RGS7: variants seen among roughly 807,000 people sequenced by gnomAD.
The protein encoded by RGS7 is regulator of G protein signaling 7.
A neutral mutation model predicts 81.1 loss-of-function variants in RGS7; 27 were observed. That is an observed-to-expected ratio of 0.33 (90% CI 0.25 to 0.46). The LOEUF (loss-of-function observed/expected upper bound fraction) is 0.46, where lower values mean the gene tolerates loss of function less well. Ranked by LOEUF, RGS7 falls within the 20% of genes least tolerant of loss-of-function variation. The probability of loss-of-function intolerance (pLI) is 1.00; values close to 1 mark genes in which losing one functional copy is unlikely to be tolerated. For synonymous variants in RGS7, 208 were observed against 207.7 expected (o/e 1.00, Z -0.01); for missense variants, 396 against 607.4 (o/e 0.65, Z 3.66).
chr1:241,183,548 A>G (rs1417349054), intron 2 of RGS7, among the ~76,000 whole-genome samples: 2 of 152,248 alleles, frequency 1.3e-5, no homozygotes, highest in African/African-American at 4.8e-5. Context: ...CAAGAAGTCT[A>G]TCTACATACA....
At chr1:240,784,663 T>TC (rs1468688087) in intron 18 of RGS7, among the ~76,000 whole-genome samples, 1 of 151,546 alleles carries the variant, frequency 6.6e-6, no homozygotes, top group Non-Finnish European at 1.5e-5. Context: ...AAAAGATTTT[T>TC]TTTTTTTTGA....
intron 2 of RGS7, among the ~76,000 whole-genome samples, chr1:241,192,162 G>A (rs12563118): frequency 0.094 from 6,118 of 64,920 alleles, 180 homozygotes; most frequent in East Asian, 0.46. Context: ...GAAAACAGGT[G>A]TGTGTGTGTG....
chr1:241,265,376 T>C lies in RGS7; in HGVS notation c.78+90323A>G, dbSNP rs187068939. On this transcript the variant is annotated intron_variant, in intron 2 of 18. Coordinates refer to ENST00000440928, the MANE Select transcript of RGS7 (RefSeq NM_001364886.1). ...ACACACGCAGTTGATTCTGAGTATA[T>C]AGAAAATAATAAGGTAAATGGCCTC... is the stretch of plus-strand genomic sequence containing the variant. Among the ~76,000 whole-genome samples, 5 of 152,220 alleles carry C rather than the reference T, an allele frequency of 3.3e-5. No individual in the cohort carries two copies. The South Asian group carries it at 6.2e-4, about 19-fold the overall frequency.
Position 241,221,057 on chromosome 1 carries a change from A to AAGAGAGAG in RGS7, c.79-122303_79-122296dup, listed in dbSNP as rs1169899552. The stretch of plus-strand genomic sequence containing the variant: ...AGGAAGGAAAAGAAAGAAAGAAAGA[A>AAGAGAGAG]AGAGAGAGAGAGAGAAAGGAAGGAA... On this transcript the variant is annotated intron_variant, in intron 2 of 18. Transcript: ENST00000440928. 1.6e-5 allele frequency among the ~76,000 whole-genome samples: 2 copies of AAGAGAGAG among 125,630 alleles called. 1 individual carries two copies. Among genetic ancestry groups the AAGAGAGAG allele is most frequent in the Non-Finnish European group, 3.5e-5 (2 of 56,508 alleles). 82.4% of individuals were successfully genotyped at this position (125,630 alleles called of 152,430 possible).
chr1:241,076,144 T>C (rs1181392981), intron 3 of RGS7, among the ~76,000 whole-genome samples: 1 of 152,134 alleles, frequency 6.6e-6, no homozygotes, highest in Non-Finnish European at 1.5e-5. Context: ...GAGTGAGCTG[T>C]ACCTGGCATG....
At chr1:240,909,355 C>T (rs1671351165) in intron 6 of RGS7, among the ~76,000 whole-genome samples, 1 of 152,118 alleles carries the variant, frequency 6.6e-6, no homozygotes. Flanking sequence ...GCGAGTTATC[C>T]ATACCCCATC....
intron 9 of RGS7, among the ~76,000 whole-genome samples, chr1:240,860,229 T>C (rs1445747074): frequency 1.3e-5 from 2 of 152,160 alleles, no homozygotes; most frequent in Admixed American, 1.3e-4. Flanking sequence ...GACGGTGAAC[T>C]TCAGTTAAAC....
chr1:240,970,630 T>C (rs1262602691), intron 4 of RGS7, among the ~76,000 whole-genome samples: 1 of 152,210 alleles, frequency 6.6e-6, no homozygotes, highest in Non-Finnish European at 1.5e-5. Context: ...TCACTTTCTG[T>C]ACACTAGAGC....
At chr1:240,956,119 A>G (rs947423148) in intron 4 of RGS7, among the ~76,000 whole-genome samples, 1 of 152,164 alleles carries the variant, frequency 6.6e-6, no homozygotes, top group African/African-American at 2.4e-5. Context: ...AGAACAGTGG[A>G]AACACTTGCA....
chr1:241,019,748 A>T (rs2059447981), intron 3 of RGS7, among the ~76,000 whole-genome samples: 1 of 152,164 alleles, frequency 6.6e-6, no homozygotes. Context: ...TTCTTTATCC[A>T]GTCTATTATT....
At chr1:241,310,310 G>A (rs376398792) in intron 2 of RGS7, among the ~76,000 whole-genome samples, 3 of 152,050 alleles carry the variant, frequency 2.0e-5, no homozygotes, top group African/African-American at 7.2e-5. Context: ...GTTCTGTTAC[G>A]TACATTTATC....
At chr1:240,914,188 T>C (rs932881443) in intron 6 of RGS7, among the ~76,000 whole-genome samples, 2 of 152,104 alleles carry the variant, frequency 1.3e-5, no homozygotes, top group African/African-American at 4.8e-5. Flanking sequence ...TCATCGATTA[T>C]GATAGCTTTG....
intron 3 of RGS7, among the ~76,000 whole-genome samples, chr1:241,091,436 T>C (rs1234930422): frequency 6.6e-6 from 1 of 151,814 alleles, no homozygotes; most frequent in Non-Finnish European, 1.5e-5. Flanking sequence ...TAGTCCCAGC[T>C]ACTCGGGAGG....
In RGS7 at chr1:241,259,667, A is replaced by AAAAAAAAAAAAAAAAAAT; in HGVS notation, c.78+96031_78+96032insATTTTTTTTTTTTTTTTT. ...CTCCGTCTCAAAAAAAAAAAAAAAAAATATATATATATATATATAATTAAA... is the reference window on the plus strand; with the variant it reads ...CTCCGTCTCAAAAAAAAAAAAAAAAAAAAAAAAAAAAAAAAAATATATATATATATATATATAATTAAA... On this transcript the variant is annotated intron_variant, in intron 2 of 18. Coordinates refer to ENST00000440928, the MANE Select transcript of RGS7 (RefSeq NM_001364886.1). Among the ~76,000 whole-genome samples the AAAAAAAAAAAAAAAAAAT allele has an allele frequency of 2.2e-3, 108 of 49,094 alleles. 3 individuals are homozygous for AAAAAAAAAAAAAAAAAAT. The highest frequency in any genetic ancestry group is 5.5e-3 in the East Asian group (9 of 1,642). 32.2% of individuals were successfully genotyped at this position (49,094 alleles called of 152,430 possible).
chr1:240,821,977 C>T (rs1280628550), intron 10 of RGS7, among the ~76,000 whole-genome samples: 1 of 152,160 alleles, frequency 6.6e-6, no homozygotes, highest in Non-Finnish European at 1.5e-5. Flanking sequence ...AAGGATACAG[C>T]CTGTGGTGGT....
chr1:241,184,874 T>C (rs1298662832), intron 2 of RGS7, among the ~76,000 whole-genome samples: 1 of 152,192 alleles, frequency 6.6e-6, no homozygotes, highest in Admixed American at 6.5e-5. Flanking sequence ...TTTGAAGAGC[T>C]ATAAAAGCTT....
intron 10 of RGS7, among the ~76,000 whole-genome samples, chr1:240,820,475 G>C (rs1355863240): frequency 2.0e-5 from 3 of 151,846 alleles, no homozygotes; most frequent in Admixed American, 2.0e-4. Context: ...TTTTAGGCAG[G>C]GGGTGGGGGT....
intron 3 of RGS7, among the ~76,000 whole-genome samples, chr1:241,054,841 C>T (rs1237276225): frequency 6.6e-6 from 1 of 152,162 alleles, no homozygotes; most frequent in Non-Finnish European, 1.5e-5. Context: ...TTTCTCCTGA[C>T]CAACAAGTAG....
At chr1:240,932,971 C>T (rs1224043481) in intron 5 of RGS7, among the ~76,000 whole-genome samples, 1 of 146,764 alleles carries the variant, frequency 6.8e-6, no homozygotes. Context: ...GCAAGCTCCG[C>T]CTCCCGGGTT....
Sources: allele counts gnomAD v4.1 joint callset (sites outside exome capture counted in the v4.1 genomes callset), GRCh38; gene constraint gnomAD v4.1.1; transcripts MANE v1.5; gene names NCBI Gene and HGNC (gene_info 2026-07-23, HGNC 2026-07-21).